The following ASXL2 variants were observed in gnomAD, a reference collection of about 807,000 sequenced individuals.
ASXL2 encodes the protein ASXL transcriptional regulator 2.
ASXL2 carries 23 observed loss-of-function variants against 122.0 expected under a neutral mutation model. The observed-to-expected ratio is 0.19, with a 90% CI of 0.14 to 0.27. The LOEUF is 0.27. ASXL2 is among the 10% of genes least tolerant of loss of function. The pLI, the probability that ASXL2 is intolerant of heterozygous loss-of-function variation, is 1.00. For synonymous variants in ASXL2, 650 were observed against 637.0 expected, an observed-to-expected ratio of 1.02 and a Z score of -0.31; for missense variants, 1,518 against 1,713.8, an observed-to-expected ratio of 0.89 and a Z score of 2.02.
chr2:25,759,738 T>C lies in ASXL2; in HGVS notation c.776-93A>G, dbSNP rs181058785. ...TCTGTGCAGTATAAAAAATCCACAA[T>C]TGTAAGCATTTAAATATCACACTAC... On this transcript the variant is annotated intron_variant, in intron 8 of 12. Coordinates refer to ENST00000435504, the MANE Select transcript of ASXL2 (RefSeq NM_018263.6). 81 of 1,296,756 alleles carry C rather than the reference T, an allele frequency of 6.2e-5. No homozygotes were observed. The African/African-American group carries it at 1.0e-3, about 17-fold the overall frequency. The allele number at this position is 1,296,756 out of a possible 1,614,324, so 80.3% of individuals were successfully genotyped here.
At chr2:25,841,849 A>T (rs1041094466) in intron 2 of ASXL2, among the ~76,000 whole-genome samples, 3 of 151,918 alleles carry the variant, frequency 2.0e-5, no homozygotes, top group Non-Finnish European at 4.4e-5. Flanking sequence ...CGGGAGGCTG[A>T]GGCAGGAGAA....
chr2:25,846,210 T>C (rs1187794957), intron 1 of ASXL2, among the ~76,000 whole-genome samples: 4 of 152,198 alleles, frequency 2.6e-5, no homozygotes, highest in African/African-American at 9.7e-5. Context: ...AAAGGTTGGA[T>C]AGAGGGAGAG....
rs2087917598 is a variant in ASXL2 at position 25,744,987 on chromosome 2, T to C, written c.1861-511A>G. Reference sequence around the variant, plus strand: ...CACACACACACACACACACTTGGGCTGGATTATCTCAAATTACACAGGCTT... The same window carrying C: ...CACACACACACACACACACTTGGGCCGGATTATCTCAAATTACACAGGCTT... On this transcript the variant is annotated intron_variant, in intron 12 of 12. Coordinates refer to ENST00000435504, the MANE Select transcript of ASXL2 (RefSeq NM_018263.6). This position sits in a 1 kb window ranked among gnomAD's most constrained non-coding sequence, Gnocchi z 4.7. 6.8e-6 allele frequency among the ~76,000 whole-genome samples: 1 copy of C among 148,040 alleles called. No homozygotes were observed. Among genetic ancestry groups the C allele is most frequent in the Admixed American group, 6.7e-5 (1 of 14,870 alleles).
Position 25,749,804 on chromosome 2 carries a change from C to T in ASXL2, c.1752G>A (p.Arg584=), listed in dbSNP as rs187456689. ...GCTGGCGATTCTCAGTGACACGTGGCCTCTTCTCCCAGCTCACAGGGGCCT... is the reference window on the plus strand; with the variant it reads ...GCTGGCGATTCTCAGTGACACGTGGTCTCTTCTCCCAGCTCACAGGGGCCT... The part of the protein sequence containing the change: ...QEEAPVSWEK[R]PRVTENRQHQ... The change falls in exon 12 of 13, where the codon AGG becomes AGA. Residue 584 remains arginine, a synonymous_variant. Coordinates refer to ENST00000435504, the MANE Select transcript of ASXL2 (RefSeq NM_018263.6). 6 of 1,609,696 alleles carry T rather than the reference C, an allele frequency of 3.7e-6. No homozygotes were observed. The African/African-American group carries it at 8.0e-5, about 22-fold the overall frequency.
intron 12 of ASXL2, among the ~76,000 whole-genome samples, chr2:25,747,449 A>G (rs1437804354): frequency 1.3e-5 from 2 of 152,218 alleles, no homozygotes; most frequent in African/African-American, 4.8e-5. Context: ...GTCTAAGAGA[A>G]GAGAGTTACT....
chr2:25,782,117 A>C (rs2088652908), intron 5 of ASXL2, among the ~76,000 whole-genome samples: 1 of 151,792 alleles, frequency 6.6e-6, no homozygotes, highest in African/African-American at 2.4e-5. Context: ...ATCAATATTT[A>C]TCTCCACTGA....
At chr2:25,810,444 G>A in intron 3 of ASXL2, 1 of 705,702 alleles carries the variant, frequency 1.4e-6, no homozygotes. Context: ...GCAGGGCAGT[G>A]GCCACGTGCT....
intron 8 of ASXL2, among the ~76,000 whole-genome samples, chr2:25,759,871 AAATAG>A (rs1212557931): frequency 2.6e-5 from 4 of 152,228 alleles, no homozygotes; most frequent in Non-Finnish European, 5.9e-5. Context: ...TTCTCTGCAT[AAATAG>A]AATAAAGTCT....
At chr2:25,826,995 A>ATTTTTT (rs34208753) in intron 3 of ASXL2, among the ~76,000 whole-genome samples, 1 of 127,382 alleles carries the variant, frequency 7.9e-6, no homozygotes, top group Non-Finnish European at 1.7e-5. Flanking sequence ...ACAGCTAATA[A>ATTTTTT]TTTTTTTTTT....
rs575449726 is a variant in ASXL2 at position 25,790,680 on chromosome 2, A to C, written c.403+8705T>G. 5.9e-5 allele frequency among the ~76,000 whole-genome samples: 9 copies of C among 152,188 alleles called. No individual in the cohort carries two copies. The East Asian group carries it at 1.7e-3, about 29-fold the overall frequency. The stretch of plus-strand genomic sequence containing the variant: ...TTTAGCTTATATACCAGTGATGAGA[A>C]ACAGAGCTAACTTAAACACTAGTGA... On this transcript the variant is annotated intron_variant, in intron 5 of 12. Coordinates refer to ENST00000435504, the MANE Select transcript of ASXL2 (RefSeq NM_018263.6).
At chr2:25,819,143 T>TC (rs2089277304) in intron 3 of ASXL2, among the ~76,000 whole-genome samples, 1 of 152,114 alleles carries the variant, frequency 6.6e-6, no homozygotes, top group Non-Finnish European at 1.5e-5. Flanking sequence ...AGCTGATCAT[T>TC]CCCCAATCAA....
rs1033407535 is a variant in ASXL2, at chr2:25,738,922, G to A, written c.*3107C>T. 2 of 152,106 alleles carry A rather than the reference G, an allele frequency of 1.3e-5. No homozygotes were observed. Among genetic ancestry groups the A allele is most frequent in the African/African-American group, 4.8e-5 (2 of 41,418 alleles). 9.4% of individuals were successfully genotyped at this position (152,106 alleles called of 1,614,324 possible). A position where few individuals can be genotyped will look rare whatever the true frequency, so the allele number is the denominator to read the frequency against. Reference sequence around the variant, plus strand: ...GATAGCTTCAGTATCTTGAGCATAGGGGTTATGGAACAAGTAGGACAAACA... The same window carrying A: ...GATAGCTTCAGTATCTTGAGCATAGAGGTTATGGAACAAGTAGGACAAACA... On this transcript the variant is annotated 3_prime_UTR_variant, in exon 13 of 13. Coordinates refer to ENST00000435504, the MANE Select transcript of ASXL2 (RefSeq NM_018263.6).
At chr2:25,766,223 CAT>C (rs1428881793) in intron 8 of ASXL2, among the ~76,000 whole-genome samples, 4 of 151,890 alleles carry the variant, frequency 2.6e-5, no homozygotes, top group Admixed American at 2.6e-4. Flanking sequence ...TTCATGACCC[CAT>C]ATGTTTCGAG....
chr2:25,772,436 T>C (rs2088471292), intron 5 of ASXL2, among the ~76,000 whole-genome samples: 1 of 152,054 alleles, frequency 6.6e-6, no homozygotes, highest in Non-Finnish European at 1.5e-5. Context: ...TAAGATGTCA[T>C]AAAAGTACAC....
At position 25,743,289 on chromosome 2, in the gene ASXL2, C is replaced by T. The variant is rs780059511; in HGVS notation, c.3048G>A (p.Thr1016=). 7 of 1,613,832 alleles carry T rather than the reference C, an allele frequency of 4.3e-6. 1 individual carries two copies. Among genetic ancestry groups the T allele is most frequent in the Admixed American group, 3.3e-5 (2 of 59,992 alleles). Reference sequence around the variant, plus strand: ...GCAAGGTTTTGCCCAGCTGCTGCTGCGTAGCTGGATGGGACTGTCTCTCAT... The same window carrying T: ...GCAAGGTTTTGCCCAGCTGCTGCTGTGTAGCTGGATGGGACTGTCTCTCAT... ...EVNERQSHPA[T]QQQLGKTLQS... is the part of the protein sequence containing the mutation. The change falls in exon 13 of 13, where the codon ACG becomes ACA. Residue 1016 remains threonine (T), a synonymous_variant. Transcript: ENST00000435504.
At chr2:25,861,847 C>T (rs1247909605) in intron 1 of ASXL2, among the ~76,000 whole-genome samples, 2 of 152,176 alleles carry the variant, frequency 1.3e-5, no homozygotes, top group African/African-American at 4.8e-5. Flanking sequence ...AATCAAACTA[C>T]AGACCCATAT....
At chr2:25,759,405 A>G in intron 9 of ASXL2, 77 bp downstream of exon 9, 2 of 1,404,844 alleles carry the variant, frequency 1.4e-6, no homozygotes, top group Non-Finnish European at 1.9e-6. Flanking sequence ...CTTACTTCTC[A>G]CTTAGTACCA....
chr2:25,782,063 C>T (rs1209652730), intron 5 of ASXL2, among the ~76,000 whole-genome samples: 1 of 149,504 alleles, frequency 6.7e-6, no homozygotes, highest in African/African-American at 2.5e-5. Context: ...GCCCTACCCT[C>T]CCGAAGTGCT....
chr2:25,793,656 G>C (rs1456521447), intron 5 of ASXL2, among the ~76,000 whole-genome samples: 2 of 152,184 alleles, frequency 1.3e-5, no homozygotes, highest in African/African-American at 4.8e-5. Flanking sequence ...CGAAGTTTCC[G>C]AAATGATTTT....
Sources: allele counts gnomAD v4.1 joint callset (sites outside exome capture counted in the v4.1 genomes callset), GRCh38; gene constraint gnomAD v4.1.1; non-coding constraint Gnocchi (gnomAD v3.1); transcripts MANE v1.5; gene names NCBI Gene and HGNC (gene_info 2026-07-23, HGNC 2026-07-21).